Variants in WAPL observed in about 807,000 individuals in gnomAD.
WAPL encodes the protein WAPL cohesin release factor.
A neutral mutation model predicts 121.0 loss-of-function variants in WAPL; 5 were observed. The ratio of observed to expected loss-of-function variants is 0.04; its 90% CI spans 0.02 to 0.09. The LOEUF (loss-of-function observed/expected upper bound fraction) is 0.09. WAPL is among the 10% of genes least tolerant of loss of function. The probability of loss-of-function intolerance (pLI) is 1.00; values close to 1 mark genes in which losing one functional copy is unlikely to be tolerated. For missense variants in WAPL, 999 were observed against 1,410.8 expected, an observed-to-expected ratio of 0.71 and a Z score of 4.68; for synonymous variants, 480 against 481.5, an observed-to-expected ratio of 1.00 and a Z score of 0.04.
intron 4 of WAPL, among the ~76,000 whole-genome samples, chr10:86,481,476 C>T (rs773342603): frequency 2.0e-5 from 3 of 152,078 alleles, no homozygotes; most frequent in Non-Finnish European, 2.9e-5. Context: ...CAGATTCATG[C>T]GATTCTCCTG....
Position 86,471,024 on chromosome 10 carries a change from A to G in WAPL, c.2110T>C (p.Phe704Leu). 1 of 1,613,960 alleles carries G rather than the reference A, an allele frequency of 6.2e-7. No individual in the cohort carries two copies. The highest frequency in any genetic ancestry group is 8.5e-7 in the Non-Finnish European group (1 of 1,179,926). Residue 704 changes from phenylalanine (F) to leucine (L), a missense_variant, in exon 8 of 19, where the codon TTT becomes CTT. This residue lies in a region of WAPL where 118 missense variants were observed against 318.3 expected (regional missense o/e 0.37). Transcript: ENST00000298767. The stretch of plus-strand genomic sequence containing the variant: ...TGCTGGGAATCATCCAAGGTTTTAA[A>G]GACCATTGCTACCATCCCATGTGCT... The part of the protein sequence containing the change: ...LRAHGMVAMV[F>L]KTLDDSQHHQ...
At chr10:86,499,631 G>A in intron 3 of WAPL, 87 bp downstream of exon 3, 2 of 1,360,898 alleles carry the variant, frequency 1.5e-6, no homozygotes, top group Non-Finnish European at 2.0e-6. Context: ...GAATATGGTT[G>A]ACCTTGGGTA....
At chr10:86,511,016 T>A (rs1038788089) in intron 2 of WAPL, among the ~76,000 whole-genome samples, 1 of 150,574 alleles carries the variant, frequency 6.6e-6, no homozygotes, top group Non-Finnish European at 1.5e-5. Context: ...TTTGAAGAAA[T>A]GGGATGTCAC....
chr10:86,486,166 C>T (rs568431556), intron 4 of WAPL, among the ~76,000 whole-genome samples: 10 of 152,278 alleles, frequency 6.6e-5, no homozygotes, highest in Non-Finnish European at 1.2e-4. Context: ...CACATGATGA[C>T]TGGATCTCAA....
intron 12 of WAPL, among the ~76,000 whole-genome samples, chr10:86,455,973 C>T (rs1276109510): frequency 6.6e-6 from 1 of 152,068 alleles, no homozygotes; most frequent in Non-Finnish European, 1.5e-5. Context: ...GAGTCTTTTT[C>T]GCAAGAGAAA....
chr10:86,499,611 C>T (rs893272694), intron 3 of WAPL, 107 bp downstream of exon 3: 2 of 1,133,608 alleles, frequency 1.8e-6, no homozygotes, highest in African/African-American at 3.2e-5. Context: ...ACTGTACTCA[C>T]CTCTTTTCAG....
intron 9 of WAPL, among the ~76,000 whole-genome samples, chr10:86,461,562 T>G (rs1259016612): frequency 5.9e-5 from 9 of 152,178 alleles, no homozygotes; most frequent in Non-Finnish European, 4.4e-5. Flanking sequence ...ACAGGTCAAG[T>G]GTGGAACTGC....
chr10:86,450,736 T>C (rs569479697), intron 15 of WAPL, among the ~76,000 whole-genome samples: 2 of 152,354 alleles, frequency 1.3e-5, no homozygotes, highest in Admixed American at 6.5e-5. Flanking sequence ...TGATAATCTA[T>C]CACTAGTTTC....
chr10:86,511,655 C>T lies in WAPL; in HGVS notation c.499+5916G>A, dbSNP rs530737999. 2.6e-5 allele frequency among the ~76,000 whole-genome samples: 4 copies of T among 152,222 alleles called. No homozygotes were observed. The East Asian group carries it at 5.8e-4, about 22-fold the overall frequency. ...GTAGGAATTTAAGAAATAACAGGGC[C>T]GGGCACAGTGGCTCATGCCTGTAAT... is the stretch of plus-strand genomic sequence containing the variant. On this transcript the variant is annotated intron_variant, in intron 2 of 18. Coordinates refer to ENST00000298767, the MANE Select transcript of WAPL (RefSeq NM_015045.5).
chr10:86,507,897 T>A (rs7093584), intron 2 of WAPL, among the ~76,000 whole-genome samples: 146,137 of 151,972 alleles, frequency 0.96, 70,409 homozygotes, highest in East Asian at 1. Context: ...CTTCTCAATC[T>A]CTCTCTGGGC....
intron 15 of WAPL, among the ~76,000 whole-genome samples, chr10:86,451,186 C>T (rs1010434513): frequency 1.3e-5 from 2 of 151,874 alleles, no homozygotes; most frequent in Non-Finnish European, 1.5e-5. Flanking sequence ...AGTGATCCTC[C>T]CCACCTCAGT....
chr10:86,468,389 G>A (rs566148138), intron 8 of WAPL, among the ~76,000 whole-genome samples: 5 of 151,794 alleles, frequency 3.3e-5, no homozygotes, highest in African/African-American at 1.2e-4. Context: ...TTGTGGATGG[G>A]GTTTCACCAT....
chr10:86,452,884 A>G (rs368876240), intron 14 of WAPL, among the ~76,000 whole-genome samples: 1 of 151,836 alleles, frequency 6.6e-6, no homozygotes, highest in African/African-American at 2.4e-5. Flanking sequence ...TACTAAAAAT[A>G]CAAAAATTAG....
intron 13 of WAPL, 95 bp from the exon 14 acceptor site, chr10:86,453,430 G>A: frequency 1.5e-6 from 2 of 1,343,470 alleles, no homozygotes; most frequent in Non-Finnish European, 2.1e-6. Context: ...ACTTAGAATT[G>A]TATAGTCATT....
intron 12 of WAPL, among the ~76,000 whole-genome samples, chr10:86,454,648 C>A (rs541880473): frequency 2.9e-4 from 44 of 152,360 alleles, no homozygotes; most frequent in African/African-American, 1.0e-3. Flanking sequence ...CTCTGCCCAG[C>A]CGCCACCCTG....
chr10:86,463,523 A>C (rs1013903730), intron 9 of WAPL, among the ~76,000 whole-genome samples: 1 of 152,262 alleles, frequency 6.6e-6, no homozygotes, highest in African/African-American at 2.4e-5. Flanking sequence ...AAGTTAAAAA[A>C]TAATAATTTT....
chr10:86,450,063 T>C (rs1840940939), intron 15 of WAPL, among the ~76,000 whole-genome samples: 2 of 152,202 alleles, frequency 1.3e-5, no homozygotes, highest in South Asian at 4.1e-4. Flanking sequence ...CTAATGTCAA[T>C]TTCTTGGTTT....
chr10:86,485,204 T>A (rs1174332619), intron 4 of WAPL, among the ~76,000 whole-genome samples: 2 of 151,150 alleles, frequency 1.3e-5, no homozygotes, highest in Non-Finnish European at 2.9e-5. Context: ...GAAATAAGAG[T>A]AAAATACTTT....
chr10:86,501,242 T>C (rs939688007), intron 2 of WAPL, among the ~76,000 whole-genome samples: 4 of 152,208 alleles, frequency 2.6e-5, no homozygotes, highest in African/African-American at 9.6e-5. Flanking sequence ...TCTCTAGCTA[T>C]TTCTGTTCTT....
Sources: allele counts gnomAD v4.1 joint callset (sites outside exome capture counted in the v4.1 genomes callset), GRCh38; gene constraint gnomAD v4.1.1; regional missense constraint gnomAD v4.1.1; transcripts MANE v1.5; gene names NCBI Gene and HGNC (gene_info 2026-07-23, HGNC 2026-07-21).